The following PCM1 variants were observed in gnomAD, a reference collection of about 807,000 sequenced individuals.
The protein encoded by PCM1 is pericentriolar material 1, also known as pericentriolar material 1 protein.
Under a neutral mutation model 241.9 loss-of-function variants are expected in PCM1, and 157 were observed. That is an observed-to-expected ratio of 0.65 (90% confidence interval 0.57 to 0.74). PCM1 has a LOEUF of 0.74. Among genes scored for constraint, PCM1 ranks in the 30% least tolerant of loss-of-function variants. The probability of loss-of-function intolerance (pLI) is 0.00; values close to 1 mark genes in which losing one functional copy is unlikely to be tolerated. For synonymous variants in PCM1, 1,085 were observed against 784.9 expected, an observed-to-expected ratio of 1.38 and a Z score of -6.39; for missense variants, 3,478 against 2,360.1, an observed-to-expected ratio of 1.47 and a Z score of -9.81.
At chr8:18,011,118 CA>C in intron 32 of PCM1, 118 bp from the exon 33 acceptor site, 1 of 623,408 alleles carries the variant, frequency 1.6e-6, no homozygotes. Flanking sequence ...ACTAGACTAT[CA>C]AAAATGGTTC....
At chr8:17,945,161 A>T (rs2129453154) in intron 6 of PCM1, among the ~76,000 whole-genome samples, 1 of 152,238 alleles carries the variant, frequency 6.6e-6, no homozygotes, top group East Asian at 1.9e-4. Flanking sequence ...TGAGAGGGCT[A>T]GCTATTGATA....
chr8:17,990,321 A>T (rs1391728740), intron 27 of PCM1, among the ~76,000 whole-genome samples: 1 of 152,010 alleles, frequency 6.6e-6, no homozygotes, highest in African/African-American at 2.4e-5. Context: ...CATCTAGTTA[A>T]TTCATGGGAA....
Position 17,935,618 on chromosome 8 carries a change from C to T in PCM1, c.8C>T (p.Thr3Ile). The T allele has an allele frequency of 6.7e-7, 1 of 1,489,632 alleles. No homozygotes were observed. Among genetic ancestry groups the T allele is most frequent in the East Asian group, 2.3e-5 (1 of 44,256 alleles). 92.3% of individuals were successfully genotyped at this position (1,489,632 alleles called of 1,614,324 possible). A position where few individuals can be genotyped will look rare whatever the true frequency, so the allele number is the denominator to read the frequency against. Residue 3 changes from threonine (T) to isoleucine (I), a missense_variant, in exon 3 of 39, where the codon ACA becomes ATA. Physicochemically the swap from Thr to Ile is moderately conservative, Grantham distance 89. Coordinates refer to ENST00000325083, the MANE Select transcript of PCM1 (RefSeq NM_006197.4). ...TTAATTGTTAAATCCAGTATGGCCA[C>T]AGGAGGAGGTCCCTTTGAAGATGGC... MA[T>I]GGGPFEDGMN...
At position 17,967,132 on chromosome 8, in the gene PCM1, A is replaced by G. The variant is rs200319059; in HGVS notation, c.3374A>G (p.Asn1125Ser). 1.3e-3 allele frequency: 2,048 copies of G among 1,603,062 alleles called. 8 individuals are homozygous for G. The highest frequency in any genetic ancestry group is 6.0e-3 in the Middle Eastern group (36 of 6,050). ...CCAACACAGCCTGTAAATCTCTTCA[A>G]TATACCTGGATTTACTAACTTTTCA... ...SFPTQPVNLFNIPGFTNFSSF... is the reference protein window; with the variant it reads ...SFPTQPVNLFSIPGFTNFSSF... The change falls in exon 21 of 39, where the codon AAT becomes AGT. Residue 1125 changes from asparagine (N) to serine (S), a missense_variant. By Grantham distance (46) the Asn-to-Ser change is conservative. Transcript: ENST00000325083.
intron 8 of PCM1, among the ~76,000 whole-genome samples, chr8:17,950,971 T>C (rs968582322): frequency 6.6e-6 from 1 of 152,248 alleles, no homozygotes; most frequent in African/African-American, 2.4e-5. Context: ...GAGGAGAGTT[T>C]ACTTTGAAGG....
intron 28 of PCM1, 23 bp from the exon 29 acceptor site, chr8:17,993,460 T>C (rs1174880852): frequency 6.6e-7 from 1 of 1,513,712 alleles, no homozygotes; most frequent in Admixed American, 2.2e-5. Flanking sequence ...GTTAGGCTAA[T>C]GTATTTTCTT....
At position 17,985,666 on chromosome 8, in the gene PCM1, T is replaced by A. The variant is rs771689516; in HGVS notation, c.4281+47T>A. On this transcript the variant is annotated intron_variant, in intron 25 of 38. Transcript: ENST00000325083. ...TTTTCCTACCCTATTATCACCTTCT[T>A]CATGATTATCTCTGGTTGCTGTCTT... 13 of 1,374,282 alleles carry A rather than the reference T, an allele frequency of 9.5e-6. No individual in the cohort carries two copies. The African/African-American group carries it at 1.9e-4, about 20-fold the overall frequency. 85.1% of individuals were successfully genotyped at this position (1,374,282 alleles called of 1,614,324 possible). A position where few individuals can be genotyped will look rare whatever the true frequency, so the allele number is the denominator to read the frequency against.
intron 8 of PCM1, among the ~76,000 whole-genome samples, chr8:17,952,082 G>A (rs536781159): frequency 6.6e-6 from 1 of 152,064 alleles, no homozygotes; most frequent in Non-Finnish European, 1.5e-5. Flanking sequence ...AATGAGCCAG[G>A]TGTGGAGGCA....
chr8:17,926,217 G>A (rs1039796621), intron 2 of PCM1: 48 of 152,096 alleles, frequency 3.2e-4, no homozygotes, highest in African/African-American at 1.0e-3. Flanking sequence ...AAAATAAAGG[G>A]TAATTGAGTT....
At chr8:18,010,076 G>T (rs921424166) in intron 31 of PCM1, among the ~76,000 whole-genome samples, 1 of 152,194 alleles carries the variant, frequency 6.6e-6, no homozygotes, top group Non-Finnish European at 1.5e-5. Context: ...TGCCATGTCT[G>T]TTATTGATCC....
intron 29 of PCM1, among the ~76,000 whole-genome samples, chr8:17,997,871 C>CAA (rs547331477): frequency 5.2e-5 from 6 of 116,040 alleles, no homozygotes; most frequent in South Asian, 5.4e-4. Flanking sequence ...CTACAACATA[C>CAA]AAAAAAAAAA....
intron 16 of PCM1, among the ~76,000 whole-genome samples, chr8:17,962,594 T>C (rs543650101): frequency 6.6e-6 from 1 of 152,134 alleles, no homozygotes; most frequent in Non-Finnish European, 1.5e-5. Flanking sequence ...GAAGTATATT[T>C]GAGTTCTACT....
chr8:17,983,499 C>CATATTT (rs2081621919), intron 24 of PCM1, among the ~76,000 whole-genome samples: 1 of 152,084 alleles, frequency 6.6e-6, no homozygotes, highest in African/African-American at 2.4e-5. Flanking sequence ...TTTTCATATT[C>CATATTT]TGTTAGTGTA....
chr8:17,955,891 A>G, intron 10 of PCM1: 1 of 517,066 alleles, frequency 1.9e-6, no homozygotes, highest in South Asian at 2.1e-5. Context: ...CAAATAAAGG[A>G]TCAAAAATAA....
In PCM1 at chr8:17,962,081, A is replaced by T; in HGVS notation, c.2370A>T (p.Pro790=). Residue 790 remains proline (P), a synonymous_variant, in exon 16 of 39, where the codon CCA becomes CCT. Transcript: ENST00000325083. ...VGNCPTKKYM[P]AVTSTPTVNQ... Reference sequence around the variant, plus strand: ...ACTGTCCCACCAAAAAATATATGCCAGCTGTTACTTCAACCCCAACTGTTA... The same window carrying T: ...ACTGTCCCACCAAAAAATATATGCCTGCTGTTACTTCAACCCCAACTGTTA... 6.2e-7 allele frequency: 1 copy of T among 1,611,958 alleles called. No homozygotes were observed. The highest frequency in any genetic ancestry group is 1.3e-5 in the African/African-American group (1 of 75,036).
At chr8:17,967,435 A>T (rs542452839) in intron 21 of PCM1, among the ~76,000 whole-genome samples, 14 of 152,030 alleles carry the variant, frequency 9.2e-5, no homozygotes, top group Admixed American at 4.6e-4. Context: ...CAGCTTCCTA[A>T]GTAGCTGGGA....
rs777074439 is a variant in PCM1, at chr8:17,957,442, A to G, written c.1804+21A>G. The G allele has an allele frequency of 5.6e-6, 9 of 1,610,136 alleles. No homozygotes were observed. The South Asian group carries it at 9.9e-5, about 18-fold the overall frequency. On this transcript the variant is annotated intron_variant, in intron 12 of 38. Transcript: ENST00000325083. ...TTTAGGTATGACTGACTGTATTTACATATAATTTTGCTGTGTTATTCTTAC... is the reference window on the plus strand; with the variant it reads ...TTTAGGTATGACTGACTGTATTTACGTATAATTTTGCTGTGTTATTCTTAC...
Position 17,963,230 on chromosome 8 carries a change from G to A in PCM1, c.2593G>A (p.Val865Met). The change falls in exon 17 of 39, where the codon GTG (valine) becomes ATG (methionine). Residue 865 changes from valine (V) to methionine (M), a missense_variant. Coordinates refer to ENST00000325083, the MANE Select transcript of PCM1 (RefSeq NM_006197.4). ...AGCTGAAACTGCATCTCCAGTGGCT[G>A]TGTCATTGAGAAGTGATGGATCTGA... ...GLAETASPVAVSLRSDGSENL... is the reference protein window; with the variant it reads ...GLAETASPVAMSLRSDGSENL... The A allele has an allele frequency of 1.2e-6, 2 of 1,613,578 alleles. No homozygotes were observed. Among genetic ancestry groups the A allele is most frequent in the Non-Finnish European group, 1.7e-6 (2 of 1,179,716 alleles).
intron 13 of PCM1, 41 bp from the exon 14 acceptor site, chr8:17,959,973 T>G (rs567753339): frequency 1.9e-6 from 3 of 1,589,054 alleles, no homozygotes; most frequent in African/African-American, 2.7e-5. Context: ...GATAATGTCT[T>G]GAGGTATCAA....
Sources: allele counts gnomAD v4.1 joint callset (sites outside exome capture counted in the v4.1 genomes callset), GRCh38; gene constraint gnomAD v4.1.1; transcripts MANE v1.5; gene names NCBI Gene and HGNC (gene_info 2026-07-23, HGNC 2026-07-21).